Variants in NAA25 observed in about 807,000 individuals in gnomAD.
NAA25 encodes N-alpha-acetyltransferase 25, NatB auxiliary subunit.
In NAA25, 30 loss-of-function variants were observed where a neutral mutation model predicts 132.5. That is an observed-to-expected ratio of 0.23 (90% CI 0.17 to 0.31). NAA25 has a LOEUF of 0.31. Among genes scored for constraint, NAA25 ranks in the 10% least tolerant of loss-of-function variants. NAA25 has a pLI of 1.00. For synonymous variants in NAA25, 359 were observed against 401.9 expected (o/e 0.89, Z 1.28); for missense variants, 771 against 1,150.4 (o/e 0.67, Z 4.77).
chr12:112,031,158 G>T (rs1384042352), intron 23 of NAA25, among the ~76,000 whole-genome samples: 2 of 152,074 alleles, frequency 1.3e-5, no homozygotes, highest in African/African-American at 4.8e-5. Flanking sequence ...ACACAAAAAG[G>T]TCCTAACACA....
At chr12:112,030,250 CTG>C (rs1338598139) in intron 23 of NAA25, among the ~76,000 whole-genome samples, 2 of 122,192 alleles carry the variant, frequency 1.6e-5, no homozygotes, top group African/African-American at 2.9e-5. Context: ...AGAAGAAAAA[CTG>C]AGATTTCTGA....
chr12:112,081,280 T>A, intron 4 of NAA25, 146 bp from the exon 5 acceptor site: 1 of 676,044 alleles, frequency 1.5e-6, no homozygotes, highest in Non-Finnish European at 2.6e-6. Flanking sequence ...CTTGATGGCT[T>A]TAGCAACAGC....
At chr12:112,054,740 CAG>C (rs994776443) in intron 13 of NAA25, among the ~76,000 whole-genome samples, 172 bp from the exon 14 acceptor site, 3 of 152,172 alleles carry the variant, frequency 2.0e-5, no homozygotes, top group South Asian at 2.1e-4. Flanking sequence ...TTCGCCTCAA[CAG>C]AGAGTCCTTC....
At chr12:112,095,165 C>T (rs555501456) in intron 1 of NAA25, among the ~76,000 whole-genome samples, 20 of 151,740 alleles carry the variant, frequency 1.3e-4, no homozygotes, top group Non-Finnish European at 1.9e-4. Flanking sequence ...TGGCCAGGCG[C>T]GGTGGTTCAC....
intron 22 of NAA25, among the ~76,000 whole-genome samples, chr12:112,035,681 C>CTT (rs11356583): frequency 7.2e-6 from 1 of 138,264 alleles, no homozygotes; most frequent in Non-Finnish European, 1.6e-5. Flanking sequence ...CATCAACTTT[C>CTT]TTTTTTTTTT....
At chr12:112,091,867 A>G (rs1566031463) in intron 2 of NAA25, among the ~76,000 whole-genome samples, 1 of 152,240 alleles carries the variant, frequency 6.6e-6, no homozygotes, top group Non-Finnish European at 1.5e-5. Flanking sequence ...CAAAAAAAGA[A>G]GTGCACAATA....
Position 112,042,024 on chromosome 12 carries a change from A to C in NAA25, c.2440+15T>G. On this transcript the variant is annotated intron_variant, in intron 20 of 23. Coordinates refer to ENST00000261745, the MANE Select transcript of NAA25 (RefSeq NM_024953.4). Reference sequence around the variant, plus strand: ...ACCAGATACAAATACAGGAATCTACAGTAGGAAAACTTACCTTTTAACTGG... The same window carrying C: ...ACCAGATACAAATACAGGAATCTACCGTAGGAAAACTTACCTTTTAACTGG... The C allele has an allele frequency of 7.0e-7, 1 of 1,419,320 alleles. No individual in the cohort carries two copies. The allele number at this position is 1,419,320 out of a possible 1,614,324, so 87.9% of individuals were successfully genotyped here.
chr12:112,045,509 TAGG>T (rs1244193715), intron 17 of NAA25, among the ~76,000 whole-genome samples: 1 of 126,568 alleles, frequency 7.9e-6, no homozygotes, highest in Non-Finnish European at 1.7e-5. Context: ...AAAAAAAAAA[TAGG>T]GGCTGGTTGC....
chr12:112,077,737 G>T (rs1444929451), intron 7 of NAA25, among the ~76,000 whole-genome samples: 1 of 152,034 alleles, frequency 6.6e-6, no homozygotes, highest in East Asian at 1.9e-4. Flanking sequence ...AATGTTTGCG[G>T]TATCTACAGA....
intron 11 of NAA25, among the ~76,000 whole-genome samples, chr12:112,066,179 G>C (rs138577454): frequency 6.6e-6 from 1 of 152,296 alleles, no homozygotes; most frequent in East Asian, 1.9e-4. Context: ...ACTGGTACTA[G>C]ATTCATGGTA....
At chr12:112,083,613 C>T (rs1401770298) in intron 4 of NAA25, among the ~76,000 whole-genome samples, 1 of 152,110 alleles carries the variant, frequency 6.6e-6, no homozygotes, top group Non-Finnish European at 1.5e-5. Flanking sequence ...TCTAAGATGG[C>T]TTGAGGCACC....
intron 1 of NAA25, among the ~76,000 whole-genome samples, chr12:112,101,178 A>G (rs1236463703): frequency 6.6e-6 from 1 of 151,982 alleles, no homozygotes; most frequent in Non-Finnish European, 1.5e-5. Flanking sequence ...TCTTGACCTG[A>G]CCCCAACAGT....
chr12:112,028,857 A>C lies in NAA25; in HGVS notation c.*674T>G, dbSNP rs2078114530. ...AGAGCCTTCCTTGCCTTCTTACCTG[A>C]GATTTTTAACTCTCACAGAAGCTAG... On this transcript the variant is annotated 3_prime_UTR_variant, in exon 24 of 24. Transcript: ENST00000261745. The C allele has an allele frequency of 6.6e-6, 1 of 152,206 alleles. No individual in the cohort carries two copies. The highest frequency in any genetic ancestry group is 1.5e-5 in the Non-Finnish European group (1 of 68,058). The allele number at this position is 152,206 out of a possible 1,614,324, so 9.4% of individuals were successfully genotyped here.
intron 11 of NAA25, among the ~76,000 whole-genome samples, chr12:112,066,363 T>C (rs543775091): frequency 1.7e-4 from 26 of 152,320 alleles, no homozygotes; most frequent in African/African-American, 6.3e-4. Flanking sequence ...CCCTCCCACC[T>C]GGTTTATCTA....
intron 2 of NAA25, among the ~76,000 whole-genome samples, chr12:112,091,998 T>C (rs957579915): frequency 1.3e-5 from 2 of 152,232 alleles, no homozygotes; most frequent in Non-Finnish European, 2.9e-5. Context: ...CCCAGCACTT[T>C]GGGAGGCCAA....
chr12:112,108,606 C>A (rs1341710257), intron 1 of NAA25, 110 bp downstream of exon 1: 9 of 1,156,742 alleles, frequency 7.8e-6, no homozygotes, highest in Admixed American at 4.6e-5. Context: ...CGCCCCCCTG[C>A]GCCTGCCCGG....
At chr12:112,079,628 TA>T in intron 5 of NAA25, among the ~76,000 whole-genome samples, 1 of 151,580 alleles carries the variant, frequency 6.6e-6, no homozygotes, top group Non-Finnish European at 1.5e-5. Context: ...AGACATGCGG[TA>T]AAGCTAATGT....
chr12:112,031,080 G>A (rs561527501), intron 23 of NAA25, among the ~76,000 whole-genome samples: 14 of 152,114 alleles, frequency 9.2e-5, no homozygotes, highest in Middle Eastern at 3.4e-3. Flanking sequence ...ACACCTGGCC[G>A]AGTTTACATT....
In NAA25 at chr12:112,043,672, C is replaced by T. The variant is rs886559798; in HGVS notation, c.2203G>A (p.Glu735Lys). 2 of 1,614,040 alleles carry T rather than the reference C, an allele frequency of 1.2e-6. No homozygotes were observed. Among genetic ancestry groups the T allele is most frequent in the South Asian group, 1.1e-5 (1 of 91,088 alleles). ...DILRLLLQQL[E>K]ATLETGKRFI... ...CGCTTTCCTGTCTCCAGGGTTGCCT[C>T]CAGCTGTTGAAGGAGCAAACGAAGA... is the stretch of plus-strand genomic sequence containing the variant. The change falls in exon 18 of 24, where the codon GAG becomes AAG. Residue 735 changes from glutamate to lysine, a missense_variant. Transcript: ENST00000261745.
Sources: gnomAD v4.1 joint callset for allele counts (sites outside exome capture counted in the v4.1 genomes callset) on GRCh38, gnomAD v4.1.1 for gene constraint, MANE v1.5 for transcripts, NCBI Gene and HGNC (gene_info 2026-07-23, HGNC 2026-07-21) for gene names.